The following NELL2 variants were observed in gnomAD, a reference collection of about 807,000 sequenced individuals.
NELL2 encodes neural EGFL like 2, also known as protein kinase C-binding protein NELL2.
NELL2 carries 41 observed loss-of-function variants against 109.6 expected under a neutral mutation model. The observed-to-expected ratio is 0.37, with a 90% CI of 0.29 to 0.49. NELL2 has a LOEUF of 0.49. Among genes scored for constraint, NELL2 ranks in the 20% least tolerant of loss-of-function variants. The pLI is 0.98. For synonymous variants in NELL2, 355 were observed against 344.7 expected, an observed-to-expected ratio of 1.03 and a Z score of -0.33; for missense variants, 900 against 1,008.3, an observed-to-expected ratio of 0.89 and a Z score of 1.45.
At chr12:44,620,541 C>T (rs909610689) in intron 13 of NELL2, among the ~76,000 whole-genome samples, 4 of 152,108 alleles carry the variant, frequency 2.6e-5, no homozygotes, top group Non-Finnish European at 2.9e-5. Context: ...CACCAGCAAC[C>T]TCACAGATAA....
chr12:44,908,655 G>T (rs752920416), intron 1 of NELL2, among the ~76,000 whole-genome samples: 1 of 151,898 alleles, frequency 6.6e-6, no homozygotes, highest in Non-Finnish European at 1.5e-5. Context: ...TGAAATTAAA[G>T]TGATCCAGGT....
intron 15 of NELL2, among the ~76,000 whole-genome samples, chr12:44,558,187 C>A (rs567835919): frequency 6.6e-6 from 1 of 152,186 alleles, no homozygotes; most frequent in Admixed American, 6.5e-5. Flanking sequence ...GGAAATGGGA[C>A]CAGTAAAAGG....
chr12:44,853,320 T>C (rs914656991), intron 2 of NELL2, among the ~76,000 whole-genome samples: 1 of 152,214 alleles, frequency 6.6e-6, no homozygotes, highest in African/African-American at 2.4e-5. Flanking sequence ...GGATTTTAAG[T>C]TTAAGGAAAT....
At chr12:44,640,330 T>A (rs1946807786) in intron 13 of NELL2, among the ~76,000 whole-genome samples, 1 of 152,194 alleles carries the variant, frequency 6.6e-6, no homozygotes, top group African/African-American at 2.4e-5. Context: ...GTAATAACAA[T>A]GATAAAACTA....
intron 10 of NELL2, among the ~76,000 whole-genome samples, chr12:44,712,012 A>C (rs1377607952): frequency 6.6e-6 from 1 of 152,078 alleles, no homozygotes; most frequent in Non-Finnish European, 1.5e-5. Flanking sequence ...TGCAGCCAAA[A>C]AGATTAAACA....
intron 9 of NELL2, among the ~76,000 whole-genome samples, chr12:44,751,964 A>G (rs1477264923): frequency 6.6e-6 from 1 of 152,160 alleles, no homozygotes; most frequent in Non-Finnish European, 1.5e-5. Context: ...GCTAAAAAAA[A>G]AAAAGTCACA....
intron 3 of NELL2, among the ~76,000 whole-genome samples, chr12:44,791,446 G>A (rs1459483863): frequency 6.6e-6 from 1 of 151,012 alleles, no homozygotes; most frequent in East Asian, 2.0e-4. Flanking sequence ...GGAGGGGGCT[G>A]AGGCATAAAA....
intron 1 of NELL2, among the ~76,000 whole-genome samples, chr12:44,892,849 C>T (rs1281437406): frequency 6.9e-6 from 1 of 145,306 alleles, no homozygotes; most frequent in African/African-American, 2.5e-5. Flanking sequence ...GTAAGGAGCA[C>T]AATTCAACAT....
chr12:44,545,151 C>G (rs1401727828), intron 15 of NELL2, among the ~76,000 whole-genome samples: 1 of 152,032 alleles, frequency 6.6e-6, no homozygotes, highest in East Asian at 1.9e-4. Flanking sequence ...GAAATTCTCT[C>G]TGATACATGA....
At chr12:44,512,040 G>A (rs915371425) in intron 19 of NELL2, among the ~76,000 whole-genome samples, 1 of 152,050 alleles carries the variant, frequency 6.6e-6, no homozygotes, top group Non-Finnish European at 1.5e-5. Context: ...ACAGAATGAA[G>A]AGACAACTTG....
At chr12:44,734,241 T>C (rs1452635889) in intron 9 of NELL2, among the ~76,000 whole-genome samples, 2 of 151,972 alleles carry the variant, frequency 1.3e-5, no homozygotes, top group Admixed American at 6.5e-5. Flanking sequence ...TAAGTAATTC[T>C]AGTAATGCCT....
chr12:44,861,247 C>T (rs1236545749), intron 2 of NELL2, among the ~76,000 whole-genome samples: 1 of 152,150 alleles, frequency 6.6e-6, no homozygotes, highest in Non-Finnish European at 1.5e-5. Context: ...TAAAAATGAG[C>T]ACTTGACTTT....
Position 44,875,220 on chromosome 12 carries a change from C to A in NELL2, c.184+5G>T. On this transcript the variant is annotated splice_donor_5th_base_variant and intron_variant, in intron 2 of 19. Coordinates refer to ENST00000429094, the MANE Select transcript of NELL2 (RefSeq NM_001145108.2). ...CACAGTGGGGATGCAGCACGCCGGG[C>A]ATACCTTGAAAGAGAAAGGCTTTCG... 2 of 1,608,326 alleles carry A rather than the reference C, an allele frequency of 1.2e-6. No individual in the cohort carries two copies. Among genetic ancestry groups the A allele is most frequent in the Non-Finnish European group, 1.7e-6 (2 of 1,176,036 alleles).
chr12:44,891,438 C>T (rs1431293802), intron 1 of NELL2, among the ~76,000 whole-genome samples: 3 of 152,210 alleles, frequency 2.0e-5, no homozygotes, highest in African/African-American at 7.2e-5. Context: ...CATAAAGGGT[C>T]CTCTGCTCTC....
At chr12:44,831,904 C>T (rs1346484644) in intron 2 of NELL2, among the ~76,000 whole-genome samples, 1 of 152,180 alleles carries the variant, frequency 6.6e-6, no homozygotes, top group Non-Finnish European at 1.5e-5. Flanking sequence ...TATTTGAGCA[C>T]TGCATTTTGG....
At chr12:44,631,908 T>C (rs1216959173) in intron 13 of NELL2, among the ~76,000 whole-genome samples, 5 of 152,082 alleles carry the variant, frequency 3.3e-5, no homozygotes, top group Admixed American at 2.0e-4. Context: ...CTTATGAGTA[T>C]ATGCAAAACT....
chr12:44,714,194 C>CACAA (rs1467259153), intron 10 of NELL2, among the ~76,000 whole-genome samples: 4 of 151,940 alleles, frequency 2.6e-5, no homozygotes, highest in African/African-American at 4.8e-5. Flanking sequence ...TAATTTAAAA[C>CACAA]ACTCCTTCCA....
intron 2 of NELL2, among the ~76,000 whole-genome samples, chr12:44,870,171 A>T (rs1945122835): frequency 6.6e-6 from 1 of 152,136 alleles, no homozygotes; most frequent in African/African-American, 2.4e-5. Flanking sequence ...TACCTAACCA[A>T]TGCTCGCTTA....
chr12:44,587,284 A>AAAAAAAAAAATATATATATATAT, intron 15 of NELL2, among the ~76,000 whole-genome samples: 15 of 72,148 alleles, frequency 2.1e-4, no homozygotes, highest in East Asian at 5.7e-4. Context: ...AAAAAAAAAA[A>AAAAAAAAAAATATATATATATAT]ATATATATAT....
Sources: allele counts gnomAD v4.1 joint callset (sites outside exome capture counted in the v4.1 genomes callset), GRCh38; gene constraint gnomAD v4.1.1; transcripts MANE v1.5; gene names NCBI Gene and HGNC (gene_info 2026-07-23, HGNC 2026-07-21).